Variants in CFAP299 observed in about 807,000 individuals in gnomAD.
CFAP299 encodes the protein cilia- and flagella-associated protein 299.
In CFAP299, 21 loss-of-function variants were observed where a neutral mutation model predicts 27.0. The observed-to-expected ratio is 0.78, with a 90% CI of 0.55 to 1.12. CFAP299 has a LOEUF of 1.12. CFAP299 is among the 50% of genes most tolerant of loss of function. The pLI, the probability that CFAP299 is intolerant of heterozygous loss-of-function variation, is 0.00. For missense variants in CFAP299, 310 were observed against 276.6 expected (o/e 1.12, Z -0.86); for synonymous variants, 104 against 98.1 (o/e 1.06, Z -0.36).
intron 1 of CFAP299, among the ~76,000 whole-genome samples, chr4:80,358,580 C>A (rs904659753): frequency 6.6e-6 from 1 of 151,946 alleles, no homozygotes; most frequent in African/African-American, 2.4e-5. Flanking sequence ...TTACTTAATG[C>A]CCTTCTTTGT....
intron 3 of CFAP299, among the ~76,000 whole-genome samples, chr4:80,836,156 A>C (rs1202351813): frequency 2.0e-5 from 3 of 152,360 alleles, no homozygotes; most frequent in South Asian, 2.1e-4. Flanking sequence ...CCTATGTATC[A>C]TTAATTATAG....
chr4:80,777,172 T>G (rs1481124736), intron 3 of CFAP299, among the ~76,000 whole-genome samples: 3 of 152,150 alleles, frequency 2.0e-5, no homozygotes, highest in Admixed American at 2.0e-4. Context: ...TTCTGCACAT[T>G]ACTCTTATAG....
chr4:80,698,196 G>A (rs1721233541), intron 3 of CFAP299, among the ~76,000 whole-genome samples: 1 of 152,080 alleles, frequency 6.6e-6, no homozygotes, highest in Admixed American at 6.6e-5. Flanking sequence ...TTATAAAATG[G>A]GGTAAATAAT....
intron 4 of CFAP299, among the ~76,000 whole-genome samples, chr4:80,914,800 C>T (rs771041191): frequency 9.2e-5 from 14 of 152,086 alleles, no homozygotes; most frequent in Admixed American, 3.3e-4. Context: ...TATGCCTTTA[C>T]TATCTGTAGG....
chr4:80,755,102 T>C (rs769049430), intron 3 of CFAP299, among the ~76,000 whole-genome samples: 16 of 152,098 alleles, frequency 1.1e-4, no homozygotes, highest in Non-Finnish European at 1.6e-4. Context: ...TGAGATAAAA[T>C]CTATTAATAC....
chr4:80,408,803 T>A (rs1329709513), intron 2 of CFAP299, among the ~76,000 whole-genome samples: 1 of 145,260 alleles, frequency 6.9e-6, no homozygotes, highest in Admixed American at 7.1e-5. Context: ...TTTTAAAAAT[T>A]GAATTTTTAG....
intron 2 of CFAP299, among the ~76,000 whole-genome samples, chr4:80,456,142 A>G (rs1729140900): frequency 6.6e-6 from 1 of 152,142 alleles, no homozygotes; most frequent in South Asian, 2.1e-4. Context: ...GATAGTTAGG[A>G]AAAGCCAAAC....
At chr4:80,846,009 G>T (rs1360503575) in intron 3 of CFAP299, among the ~76,000 whole-genome samples, 2 of 151,950 alleles carry the variant, frequency 1.3e-5, no homozygotes, top group Non-Finnish European at 2.9e-5. Flanking sequence ...TATGTATTTT[G>T]TCAATAAACA....
intron 2 of CFAP299, chr4:80,420,170 G>T: frequency 2.2e-6 from 1 of 455,910 alleles, no homozygotes; most frequent in South Asian, 1.6e-5. Context: ...GGTAGCAGCT[G>T]TCAGAGGGAA....
chr4:80,511,497 C>T (rs1424490694), intron 2 of CFAP299, among the ~76,000 whole-genome samples: 1 of 152,068 alleles, frequency 6.6e-6, no homozygotes, highest in Non-Finnish European at 1.5e-5. Context: ...ATAACTATGA[C>T]ATATTGAAGT....
At chr4:80,435,481 C>T (rs1728021155) in intron 2 of CFAP299, among the ~76,000 whole-genome samples, 1 of 152,156 alleles carries the variant, frequency 6.6e-6, no homozygotes, top group East Asian at 1.9e-4. Context: ...TAAAGAACAA[C>T]AACATGGCCT....
At chr4:80,536,597 C>T (rs1468591182) in intron 2 of CFAP299, among the ~76,000 whole-genome samples, 1 of 152,034 alleles carries the variant, frequency 6.6e-6, no homozygotes, top group Non-Finnish European at 1.5e-5. Flanking sequence ...ACAAAGGTGC[C>T]AAGAACATAC....
At chr4:80,494,900 G>C (rs978628392) in intron 2 of CFAP299, among the ~76,000 whole-genome samples, 1 of 152,172 alleles carries the variant, frequency 6.6e-6, no homozygotes, top group Non-Finnish European at 1.5e-5. Context: ...CCCCACACAA[G>C]TTCAAATTCT....
chr4:80,866,409 C>T (rs1325194940), intron 3 of CFAP299, among the ~76,000 whole-genome samples: 1 of 151,932 alleles, frequency 6.6e-6, no homozygotes, highest in East Asian at 1.9e-4. Context: ...CTAAGCAGTT[C>T]CAGGCAGGCA....
At chr4:80,419,925 C>A (rs1284262627) in intron 2 of CFAP299, among the ~76,000 whole-genome samples, 1 of 151,982 alleles carries the variant, frequency 6.6e-6, no homozygotes, top group East Asian at 1.9e-4. Flanking sequence ...TGACAACAGG[C>A]AGATTAGTTG....
At chr4:80,529,442 A>G (rs1733355735) in intron 2 of CFAP299, among the ~76,000 whole-genome samples, 1 of 152,150 alleles carries the variant, frequency 6.6e-6, no homozygotes, top group South Asian at 2.1e-4. Flanking sequence ...AAAGTACTCA[A>G]TGCTATTGTA....
chr4:80,945,014 T>A (rs1371129566), intron 5 of CFAP299, 75 bp downstream of exon 5: 2 of 1,414,664 alleles, frequency 1.4e-6, no homozygotes, highest in Non-Finnish European at 2.0e-6. Context: ...AAAAAATCTG[T>A]TAAATATTTG....
intron 3 of CFAP299, among the ~76,000 whole-genome samples, chr4:80,684,971 A>C (rs1228573156): frequency 6.6e-6 from 1 of 152,212 alleles, no homozygotes; most frequent in Non-Finnish European, 1.5e-5. Context: ...AGTAAACTTC[A>C]TATAAACGGT....
chr4:80,481,215 ATGAGAATGCTAT>A (rs1730550748), intron 2 of CFAP299, among the ~76,000 whole-genome samples: 1 of 152,074 alleles, frequency 6.6e-6, no homozygotes. Flanking sequence ...TCTATTGACA[ATGAGAATGCTAT>A]TGTGAAGTGA....
Sources: allele counts gnomAD v4.1 joint callset (sites outside exome capture counted in the v4.1 genomes callset), GRCh38; gene constraint gnomAD v4.1.1; transcripts MANE v1.5; gene names NCBI Gene and HGNC (gene_info 2026-07-23, HGNC 2026-07-21).